TTC29: variants seen among roughly 807,000 people sequenced by gnomAD.
TTC29 encodes tetratricopeptide repeat domain 29.
TTC29 carries 49 observed loss-of-function variants against 58.1 expected under a neutral mutation model. That is an observed-to-expected ratio of 0.84 (90% confidence interval 0.67 to 1.07). The LOEUF (loss-of-function observed/expected upper bound fraction) is 1.07, where lower values mean the gene tolerates loss of function less well. Ranked by LOEUF, TTC29 falls within the 50% of genes least tolerant of loss-of-function variation. The pLI is 0.00. For synonymous variants in TTC29, 209 were observed against 196.8 expected, an observed-to-expected ratio of 1.06 and a Z score of -0.52; for missense variants, 582 against 555.6, an observed-to-expected ratio of 1.05 and a Z score of -0.48.
intron 11 of TTC29, among the ~76,000 whole-genome samples, chr4:146,732,727 G>T (rs1343162911): frequency 2.0e-5 from 3 of 152,108 alleles, no homozygotes; most frequent in Admixed American, 2.0e-4. Flanking sequence ...GTGTGGAGAT[G>T]GAGTGACAAA....
At chr4:146,837,763 A>G (rs753131655) in intron 8 of TTC29, among the ~76,000 whole-genome samples, 4 of 152,062 alleles carry the variant, frequency 2.6e-5, no homozygotes, top group Non-Finnish European at 5.9e-5. Flanking sequence ...GTTAAAATCT[A>G]GCATCGCAAA....
chr4:146,913,797 C>G (rs565363362), intron 4 of TTC29, among the ~76,000 whole-genome samples: 2 of 151,958 alleles, frequency 1.3e-5, no homozygotes, highest in Admixed American at 6.6e-5. Context: ...TGTCTGTGAC[C>G]AAAGAACACT....
chr4:146,922,026 A>T (rs1560721354), intron 4 of TTC29, among the ~76,000 whole-genome samples: 1 of 148,474 alleles, frequency 6.7e-6, no homozygotes, highest in African/African-American at 2.5e-5. Context: ...AAAAAAAAAA[A>T]AAAAGAAAGA....
intron 8 of TTC29, among the ~76,000 whole-genome samples, chr4:146,855,342 A>C (rs967649693): frequency 1.1e-4 from 17 of 152,204 alleles, no homozygotes; most frequent in African/African-American, 4.1e-4. Context: ...TTGAGGAAGG[A>C]GACTAGCTTG....
At chr4:146,930,118 T>TATATATATACAC (rs1334021950) in intron 4 of TTC29, among the ~76,000 whole-genome samples, 11 of 128,884 alleles carry the variant, frequency 8.5e-5, no homozygotes, top group Non-Finnish European at 1.6e-4. Flanking sequence ...TATATATATA[T>TATATATATACAC]ACACACATAT....
intron 11 of TTC29, among the ~76,000 whole-genome samples, chr4:146,732,275 T>C (rs1279469177): frequency 6.6e-6 from 1 of 152,182 alleles, no homozygotes; most frequent in Admixed American, 6.6e-5. Flanking sequence ...TTTAAAAATA[T>C]ATAATAATAT....
At chr4:146,781,213 A>C (rs1748573854) in intron 11 of TTC29, among the ~76,000 whole-genome samples, 1 of 151,996 alleles carries the variant, frequency 6.6e-6, no homozygotes, top group South Asian at 2.1e-4. Context: ...ATCTATAATG[A>C]TACATGAGTA....
At chr4:146,749,030 T>C (rs1242494967) in intron 11 of TTC29, among the ~76,000 whole-genome samples, 1 of 152,090 alleles carries the variant, frequency 6.6e-6, no homozygotes, top group Non-Finnish European at 1.5e-5. Context: ...AACAGAGATA[T>C]ACATTGGCTG....
chr4:146,734,422 C>T (rs556607669), intron 11 of TTC29, among the ~76,000 whole-genome samples: 2 of 152,244 alleles, frequency 1.3e-5, no homozygotes, highest in Middle Eastern at 3.4e-3. Flanking sequence ...TATAATAAAA[C>T]CGGTAAACAT....
chr4:146,839,842 T>A (rs1728743079), intron 8 of TTC29, among the ~76,000 whole-genome samples: 1 of 151,958 alleles, frequency 6.6e-6, no homozygotes, highest in Admixed American at 6.6e-5. Context: ...AGCACTTGTA[T>A]TTCCCTGGCA....
chr4:146,780,312 T>C (rs1033943528), intron 11 of TTC29, among the ~76,000 whole-genome samples: 1 of 141,260 alleles, frequency 7.1e-6, no homozygotes, highest in African/African-American at 3.0e-5. Flanking sequence ...GGTGTGTGTG[T>C]GTGTGTGTGT....
At chr4:146,778,393 T>C (rs989271928) in intron 11 of TTC29, among the ~76,000 whole-genome samples, 1 of 152,230 alleles carries the variant, frequency 6.6e-6, no homozygotes. Context: ...TACTTGCTTT[T>C]TTTGAAAAAA....
chr4:146,742,493 A>C (rs921405765), intron 11 of TTC29, among the ~76,000 whole-genome samples: 3 of 152,216 alleles, frequency 2.0e-5, no homozygotes, highest in African/African-American at 4.8e-5. Flanking sequence ...AATAATTAAA[A>C]GTAAAAGAAA....
intron 4 of TTC29, among the ~76,000 whole-genome samples, chr4:146,930,872 C>A (rs56892166): frequency 1.3e-5 from 2 of 152,062 alleles, no homozygotes; most frequent in African/African-American, 4.8e-5. Flanking sequence ...TCACTTTGTC[C>A]TATGACACTG....
intron 10 of TTC29, among the ~76,000 whole-genome samples, chr4:146,814,724 C>CAAAAA (rs1023402149): frequency 5.7e-5 from 2 of 35,126 alleles, no homozygotes; most frequent in Non-Finnish European, 1.3e-4. Context: ...GACTCCATCT[C>CAAAAA]AAAAAAAAAA....
intron 11 of TTC29, among the ~76,000 whole-genome samples, chr4:146,739,242 G>T (rs566252479): frequency 6.6e-6 from 1 of 152,270 alleles, no homozygotes; most frequent in East Asian, 1.9e-4. Context: ...ATAGTAGCAT[G>T]AATTGAATGC....
At chr4:146,735,017 G>A (rs1744612858) in intron 11 of TTC29, among the ~76,000 whole-genome samples, 1 of 152,068 alleles carries the variant, frequency 6.6e-6, no homozygotes, top group Admixed American at 6.6e-5. Flanking sequence ...GGATGCATAA[G>A]GAAATGCAAA....
intron 11 of TTC29, among the ~76,000 whole-genome samples, chr4:146,714,776 T>A (rs2149996342): frequency 6.6e-6 from 1 of 152,278 alleles, no homozygotes; most frequent in East Asian, 1.9e-4. Context: ...GCAATCTGGA[T>A]CTATGTAAAC....
chr4:146,894,940 A>G (rs150160909), intron 6 of TTC29, among the ~76,000 whole-genome samples: 7 of 152,242 alleles, frequency 4.6e-5, no homozygotes, highest in African/African-American at 7.2e-5. Context: ...AGATCATCCC[A>G]TAGCCCAGGT....
Sources: allele counts gnomAD v4.1 joint callset (sites outside exome capture counted in the v4.1 genomes callset), GRCh38; gene constraint gnomAD v4.1.1; transcripts MANE v1.5; gene names NCBI Gene and HGNC (gene_info 2026-07-23, HGNC 2026-07-21).